Variants in CADPS2 observed in about 807,000 individuals in gnomAD.
CADPS2 encodes the protein calcium-dependent secretion activator 2.
Under a neutral mutation model 172.5 loss-of-function variants are expected in CADPS2, and 93 were observed. The observed-to-expected ratio is 0.54, with a 90% CI of 0.46 to 0.64. The LOEUF is 0.64. CADPS2 is among the 30% of genes least tolerant of loss of function. The probability of loss-of-function intolerance (pLI) is 0.00; values close to 1 mark genes in which losing one functional copy is unlikely to be tolerated. For missense variants in CADPS2, 1,420 were observed against 1,565.9 expected (o/e 0.91, Z 1.57); for synonymous variants, 546 against 555.2 (o/e 0.98, Z 0.23).
intron 3 of CADPS2, among the ~76,000 whole-genome samples, chr7:122,645,486 G>GCGTATATATATTTAAGTATATATATA (rs2078352533): frequency 1.2e-5 from 1 of 86,584 alleles, no homozygotes; most frequent in Admixed American, 1.3e-4. Context: ...TATATATTTA[G>GCGTATATATATTTAAGTATATATATA]CGTATATATA....
intron 7 of CADPS2, among the ~76,000 whole-genome samples, chr7:122,561,827 A>G (rs928408707): frequency 6.6e-6 from 1 of 152,180 alleles, no homozygotes; most frequent in Non-Finnish European, 1.5e-5. Flanking sequence ...AAAAATCTCT[A>G]AGCCTTCTTA....
chr7:122,404,392 T>C (rs1276817678), intron 20 of CADPS2, among the ~76,000 whole-genome samples: 2 of 152,174 alleles, frequency 1.3e-5, no homozygotes, highest in Admixed American at 6.6e-5. Context: ...CAGTCTATCA[T>C]TGTTGGACAT....
In CADPS2 at chr7:122,393,216, C is replaced by T; in HGVS notation, c.2988G>A (p.Met996Ile). The T allele has an allele frequency of 6.2e-7, 1 of 1,613,738 alleles. No homozygotes were observed. Residue 996 changes from methionine (M) to isoleucine (I), a missense_variant, in exon 22 of 30, where the codon ATG (methionine) becomes ATA (isoleucine). Physicochemically the swap from Met to Ile is conservative, Grantham distance 10 (BLOSUM62 1). Coordinates refer to ENST00000449022, the MANE Select transcript of CADPS2 (RefSeq NM_017954.11). ...QIPNISTASW[M>I]PSLYESTNGS... ...CACACGTGGACTCATATAAAGAAGG[C>T]ATCCACGAAGCAGTAGAAATGTTAG...
At chr7:122,399,632 G>GATC (rs2045629485) in intron 20 of CADPS2, among the ~76,000 whole-genome samples, 1 of 131,580 alleles carries the variant, frequency 7.6e-6, no homozygotes, top group Non-Finnish European at 1.6e-5. Context: ...GCTATATCAT[G>GATC]ATCGATAACT....
chr7:122,721,416 C>A (rs187593299), intron 2 of CADPS2, among the ~76,000 whole-genome samples: 14 of 152,068 alleles, frequency 9.2e-5, no homozygotes, highest in African/African-American at 3.4e-4. Flanking sequence ...AACACCTCTA[C>A]GCAAATAAAC....
chr7:122,629,975 T>C (rs1407651939), intron 3 of CADPS2, among the ~76,000 whole-genome samples: 2 of 152,192 alleles, frequency 1.3e-5, no homozygotes, highest in Non-Finnish European at 2.9e-5. Context: ...GGAAAATTAT[T>C]TTCACTTCAT....
intron 1 of CADPS2, among the ~76,000 whole-genome samples, chr7:122,820,932 T>C (rs1484222561): frequency 2.0e-5 from 3 of 150,902 alleles, no homozygotes. Flanking sequence ...TTAGAGGCCC[T>C]CAAAATCACA....
intron 2 of CADPS2, chr7:122,699,010 G>A (rs1588514936): frequency 1.1e-6 from 1 of 915,480 alleles, no homozygotes; most frequent in East Asian, 2.6e-5. Flanking sequence ...AAAATCTTCA[G>A]GATACAAACA....
chr7:122,666,800 C>A (rs985495376), intron 2 of CADPS2, among the ~76,000 whole-genome samples: 6 of 152,188 alleles, frequency 3.9e-5, no homozygotes, highest in African/African-American at 1.4e-4. Flanking sequence ...TCCCAATGTA[C>A]CATTCCCACT....
Position 122,846,961 on chromosome 7 carries a change from C to G in CADPS2, c.339+39038G>C, listed in dbSNP as rs79384673. ...ACCAAACCTACTGACCCAGTATGCCCGGCAGCAGATCCAGGAACATGCATT... is the reference window on the plus strand; with the variant it reads ...ACCAAACCTACTGACCCAGTATGCCGGGCAGCAGATCCAGGAACATGCATT... On this transcript the variant is annotated intron_variant, in intron 1 of 29. Transcript: ENST00000449022. Among the ~76,000 whole-genome samples, 56 of 152,270 alleles carry G rather than the reference C, an allele frequency of 3.7e-4. No homozygotes were observed. The East Asian group carries it at 0.011, about 29-fold the overall frequency.
intron 9 of CADPS2, among the ~76,000 whole-genome samples, chr7:122,498,515 T>A (rs2058940749): frequency 6.6e-6 from 1 of 152,134 alleles, no homozygotes; most frequent in Admixed American, 6.6e-5. Context: ...ATCTTTTAAT[T>A]TCTTTATGTA....
rs534469137 is a variant in CADPS2, at chr7:122,369,257, G to A, written c.3388-8244C>T. ...CGCCATTCTCCTGCCTCAGCCTCCC[G>A]GTAGCTGGGACTACATGTGCCCGCC... On this transcript the variant is annotated intron_variant, in intron 25 of 29. Transcript: ENST00000449022. Among the ~76,000 whole-genome samples the A allele has an allele frequency of 7.0e-3, 1,046 of 149,628 alleles. 6 individuals are homozygous for A. The highest frequency in any genetic ancestry group is 0.012 in the Admixed American group (183 of 14,888).
chr7:122,478,915 T>G (rs561023529), intron 12 of CADPS2, among the ~76,000 whole-genome samples: 2 of 152,176 alleles, frequency 1.3e-5, no homozygotes, highest in South Asian at 4.1e-4. Context: ...TGTGCACATG[T>G]ACCCTAGAAC....
At chr7:122,659,358 T>C (rs1441138091) in intron 3 of CADPS2, among the ~76,000 whole-genome samples, 1 of 145,764 alleles carries the variant, frequency 6.9e-6, no homozygotes, top group Non-Finnish European at 1.5e-5. Flanking sequence ...ATGCCTTTGA[T>C]AGGCTCATTA....
intron 20 of CADPS2, among the ~76,000 whole-genome samples, chr7:122,398,026 C>T (rs2045402507): frequency 1.3e-5 from 2 of 152,006 alleles, no homozygotes; most frequent in Non-Finnish European, 2.9e-5. Context: ...GACATCGAGC[C>T]CTATGGTACA....
chr7:122,724,811 T>A (rs888644382), intron 2 of CADPS2, among the ~76,000 whole-genome samples: 1 of 152,060 alleles, frequency 6.6e-6, no homozygotes, highest in Non-Finnish European at 1.5e-5. Context: ...AGTCAGCGAT[T>A]TCTAACCATT....
chr7:122,880,505 A>G (rs1348731009), intron 1 of CADPS2, among the ~76,000 whole-genome samples: 2 of 152,158 alleles, frequency 1.3e-5, no homozygotes, highest in Non-Finnish European at 2.9e-5. Flanking sequence ...TTTATTAGTA[A>G]TCTCACTTGT....
intron 1 of CADPS2, among the ~76,000 whole-genome samples, chr7:122,797,184 T>C (rs1167316117): frequency 6.6e-6 from 1 of 152,108 alleles, no homozygotes; most frequent in Non-Finnish European, 1.5e-5. Context: ...ATGGCTATTA[T>C]TAAAAAGTCA....
At chr7:122,351,166 A>G (rs1227209558) in intron 27 of CADPS2, among the ~76,000 whole-genome samples, 1 of 151,572 alleles carries the variant, frequency 6.6e-6, no homozygotes, top group East Asian at 1.9e-4. Flanking sequence ...GAGATAAGAG[A>G]CCATCCTGGC....
Sources: allele counts gnomAD v4.1 joint callset (sites outside exome capture counted in the v4.1 genomes callset), GRCh38; gene constraint gnomAD v4.1.1; transcripts MANE v1.5; gene names NCBI Gene and HGNC (gene_info 2026-07-23, HGNC 2026-07-21).